Variants in STXBP5L observed in about 807,000 individuals in gnomAD.
STXBP5L encodes the protein syntaxin-binding protein 5-like.
STXBP5L carries 65 observed loss-of-function variants against 144.5 expected under a neutral mutation model. The observed-to-expected ratio is 0.45, with a 90% CI of 0.37 to 0.55. STXBP5L has a LOEUF of 0.55. Among genes scored for constraint, STXBP5L ranks in the 20% least tolerant of loss-of-function variants. STXBP5L has a pLI of 0.00. For synonymous variants in STXBP5L, 505 were observed against 469.6 expected, an observed-to-expected ratio of 1.08 and a Z score of -0.97; for missense variants, 1,298 against 1,405.5, an observed-to-expected ratio of 0.92 and a Z score of 1.22.
intron 9 of STXBP5L, among the ~76,000 whole-genome samples, chr3:121,196,871 C>T (rs1335591225): frequency 1.4e-5 from 2 of 140,990 alleles, no homozygotes; most frequent in South Asian, 2.3e-4. Context: ...TTGATTGAGA[C>T]AGGGTCTACC....
chr3:121,365,536 T>G (rs1237413173), intron 20 of STXBP5L, among the ~76,000 whole-genome samples: 3 of 151,830 alleles, frequency 2.0e-5, no homozygotes, highest in Non-Finnish European at 4.4e-5. Context: ...TTTTTTCATC[T>G]AGATTATGCA....
At chr3:121,187,803 T>G (rs577606325) in intron 9 of STXBP5L, among the ~76,000 whole-genome samples, 3 of 151,514 alleles carry the variant, frequency 2.0e-5, no homozygotes, top group Non-Finnish European at 4.4e-5. Context: ...ACCCATCTCA[T>G]GTGCAAAAAC....
chr3:121,190,236 G>C (rs1376944652), intron 9 of STXBP5L, among the ~76,000 whole-genome samples: 1 of 152,140 alleles, frequency 6.6e-6, no homozygotes, highest in Admixed American at 6.5e-5. Flanking sequence ...CTGGGAACTA[G>C]GGATTAGGGA....
chr3:121,260,127 T>G (rs536636380), intron 18 of STXBP5L, among the ~76,000 whole-genome samples: 1 of 152,238 alleles, frequency 6.6e-6, no homozygotes, highest in East Asian at 1.9e-4. Flanking sequence ...AAACTTTCCA[T>G]CCTGGTCAGT....
chr3:121,291,251 C>T (rs1345553020), intron 19 of STXBP5L, among the ~76,000 whole-genome samples: 1 of 151,950 alleles, frequency 6.6e-6, no homozygotes, highest in African/African-American at 2.4e-5. Context: ...TGCTATATAC[C>T]AATAGTGACC....
chr3:121,153,957 A>G (rs1021870243), intron 8 of STXBP5L, among the ~76,000 whole-genome samples: 16 of 151,874 alleles, frequency 1.1e-4, no homozygotes, highest in Non-Finnish European at 2.1e-4. Flanking sequence ...TAGCAGCTAA[A>G]TAAGAATACA....
rs543696457 is a variant in STXBP5L at position 120,963,662 on chromosome 3, G to A, written c.287+8625G>A. ...GGATAAGCTTTTTGATGTGCTGCTG[G>A]ATTTGTTTTGCCAGTATTTTATTGA... On this transcript the variant is annotated intron_variant, in intron 3 of 26. Coordinates refer to ENST00000471454, the MANE Select transcript of STXBP5L (RefSeq NM_001308330.2). Among the ~76,000 whole-genome samples, 6 of 152,258 alleles carry A rather than the reference G, an allele frequency of 3.9e-5. No homozygotes were observed. In the South Asian group the frequency reaches 8.3e-4, roughly 21 times the overall value.
At chr3:121,324,515 G>C (rs144199294) in intron 20 of STXBP5L, 1 of 698,726 alleles carries the variant, frequency 1.4e-6, no homozygotes, top group East Asian at 2.7e-5. Context: ...GAACCCCTGA[G>C]TCAGCACTAG....
At chr3:121,233,925 G>A (rs2049387354) in intron 12 of STXBP5L, among the ~76,000 whole-genome samples, 1 of 152,108 alleles carries the variant, frequency 6.6e-6, no homozygotes, top group Non-Finnish European at 1.5e-5. Flanking sequence ...GGAGACTCAG[G>A]ACACATAAAA....
intron 20 of STXBP5L, among the ~76,000 whole-genome samples, chr3:121,325,518 T>A (rs1282084114): frequency 2.6e-5 from 4 of 152,004 alleles, no homozygotes; most frequent in Admixed American, 2.6e-4. Flanking sequence ...TATGGGACAT[T>A]CAAACAGTGA....
chr3:120,917,941 T>G (rs12635021), intron 2 of STXBP5L, among the ~76,000 whole-genome samples: 1,703 of 152,322 alleles, frequency 0.011, 48 homozygotes, highest in South Asian at 0.07. Flanking sequence ...CTTATTGTTC[T>G]GGAGGTCAGA....
intron 19 of STXBP5L, among the ~76,000 whole-genome samples, chr3:121,284,706 G>T (rs2108449316): frequency 6.6e-6 from 1 of 152,132 alleles, no homozygotes; most frequent in East Asian, 1.9e-4. Flanking sequence ...AGAAGAACTA[G>T]GTAACAGGTT....
intron 3 of STXBP5L, among the ~76,000 whole-genome samples, chr3:121,004,101 C>T (rs1944038969): frequency 2.0e-5 from 3 of 151,962 alleles, no homozygotes; most frequent in Admixed American, 1.3e-4. Flanking sequence ...TCATTGGTAG[C>T]TTGATGGGGA....
intron 6 of STXBP5L, among the ~76,000 whole-genome samples, chr3:121,116,223 T>A (rs2044224414): frequency 6.6e-6 from 1 of 152,194 alleles, no homozygotes; most frequent in Non-Finnish European, 1.5e-5. Context: ...TGACTCATTT[T>A]CTGCCTCATA....
intron 3 of STXBP5L, among the ~76,000 whole-genome samples, chr3:120,961,035 C>T (rs894437858): frequency 1.3e-5 from 2 of 151,956 alleles, no homozygotes; most frequent in African/African-American, 2.4e-5. Context: ...TCTATTTCTT[C>T]ATATTTCAAT....
chr3:121,396,863 C>T (rs914513463), intron 22 of STXBP5L, among the ~76,000 whole-genome samples: 3 of 152,214 alleles, frequency 2.0e-5, no homozygotes, highest in African/African-American at 7.2e-5. Flanking sequence ...CTTCTAACTG[C>T]TGTTTGCAAT....
At chr3:121,266,990 C>T (rs185483944) in intron 18 of STXBP5L, among the ~76,000 whole-genome samples, 54 of 151,042 alleles carry the variant, frequency 3.6e-4, no homozygotes, top group African/African-American at 1.2e-3. Context: ...AAAAACATTC[C>T]GTGCTCATAG....
intron 3 of STXBP5L, among the ~76,000 whole-genome samples, chr3:120,980,504 T>A (rs1337982172): frequency 6.6e-6 from 1 of 152,054 alleles, no homozygotes; most frequent in Non-Finnish European, 1.5e-5. Context: ...CTATTTTATC[T>A]GGTGTAAGTA....
intron 6 of STXBP5L, 39 bp downstream of exon 6, chr3:121,115,098 A>G (rs769496919): frequency 4.4e-6 from 7 of 1,578,832 alleles, no homozygotes; most frequent in African/African-American, 1.4e-5. Flanking sequence ...TGGCTTAAAT[A>G]CTTCATACAG....
Sources: allele counts gnomAD v4.1 joint callset (sites outside exome capture counted in the v4.1 genomes callset), GRCh38; gene constraint gnomAD v4.1.1; transcripts MANE v1.5; gene names NCBI Gene and HGNC (gene_info 2026-07-23, HGNC 2026-07-21).